IGF2BP3: variants seen among roughly 807,000 people sequenced by gnomAD.
IGF2BP3 encodes the protein insulin like growth factor 2 mRNA binding protein 3.
Under a neutral mutation model 73.8 loss-of-function variants are expected in IGF2BP3, and 9 were observed. The ratio of observed to expected loss-of-function variants is 0.12; its 90% confidence interval spans 0.07 to 0.21. IGF2BP3 has a LOEUF of 0.21. Ranked by LOEUF, IGF2BP3 falls within the 10% of genes least tolerant of loss-of-function variation. IGF2BP3 has a pLI of 1.00. For synonymous variants in IGF2BP3, 258 were observed against 256.7 expected, an observed-to-expected ratio of 1.01 and a Z score of -0.05; for missense variants, 542 against 714.0, an observed-to-expected ratio of 0.76 and a Z score of 2.75.
At chr7:23,441,833 T>TA (rs1273025231) in intron 2 of IGF2BP3, among the ~76,000 whole-genome samples, 1 of 152,082 alleles carries the variant, frequency 6.6e-6, no homozygotes, top group Non-Finnish European at 1.5e-5. Flanking sequence ...TATAAAATGT[T>TA]AATTATTCTG....
chr7:23,314,626 GAGAC>G (rs1783927372), intron 12 of IGF2BP3, among the ~76,000 whole-genome samples: 1 of 152,112 alleles, frequency 6.6e-6, no homozygotes, highest in Admixed American at 6.5e-5. Context: ...TTGAGCAAAA[GAGAC>G]AGAACTGCAG....
chr7:23,356,835 G>C (rs953280982), intron 5 of IGF2BP3, among the ~76,000 whole-genome samples: 2 of 151,874 alleles, frequency 1.3e-5, no homozygotes, highest in Non-Finnish European at 2.9e-5. Context: ...GACTAAATTG[G>C]TTCTAAAAAC....
chr7:23,346,748 A>C lies in IGF2BP3; in HGVS notation c.819-686T>G, dbSNP rs113176219. On this transcript the variant is annotated intron_variant, in intron 7 of 14. Transcript: ENST00000258729. The stretch of plus-strand genomic sequence containing the variant: ...GCTGGGACTACAGGCACATGCCACC[A>C]CGCTCATCTAATTCTTGTATTTTCA... Among the ~76,000 whole-genome samples, 797 of 151,998 alleles carry C rather than the reference A, an allele frequency of 5.2e-3. 7 individuals are homozygous for C. The highest frequency in any genetic ancestry group is 0.018 in the African/African-American group (729 of 41,454).
rs569254659 is a variant in IGF2BP3 at position 23,325,605 on chromosome 7, G to A, written c.1204-6351C>T. Among the ~76,000 whole-genome samples the A allele has an allele frequency of 2.0e-3, 305 of 152,204 alleles. 3 individuals are homozygous for A. The highest frequency in any genetic ancestry group is 6.5e-3 in the African/African-American group (271 of 41,536). ...TTCATACAGAACCAAAAAAGAGCCC[G>A]CATTGCCAAGTCAATCCTAAGCCAA... On this transcript the variant is annotated intron_variant, in intron 10 of 14. Coordinates refer to ENST00000258729, the MANE Select transcript of IGF2BP3 (RefSeq NM_006547.3).
chr7:23,353,735 A>C (rs540072023), intron 5 of IGF2BP3, among the ~76,000 whole-genome samples: 1 of 152,292 alleles, frequency 6.6e-6, no homozygotes, highest in Non-Finnish European at 1.5e-5. Flanking sequence ...TTCTTTTCAT[A>C]AGCTTCAGAG....
chr7:23,343,537 C>G (rs1350738943), intron 9 of IGF2BP3, among the ~76,000 whole-genome samples, 181 bp downstream of exon 9: 1 of 152,174 alleles, frequency 6.6e-6, no homozygotes, highest in Non-Finnish European at 1.5e-5. Flanking sequence ...ACAGAGACAG[C>G]AAAGCTTAAT....
At chr7:23,395,549 C>A (rs1317199177) in intron 3 of IGF2BP3, among the ~76,000 whole-genome samples, 2 of 151,946 alleles carry the variant, frequency 1.3e-5, no homozygotes, top group African/African-American at 4.8e-5. Flanking sequence ...ACAGCTTGAG[C>A]CCAGGAATTT....
At chr7:23,418,211 A>C (rs1205224422) in intron 3 of IGF2BP3, among the ~76,000 whole-genome samples, 2 of 152,182 alleles carry the variant, frequency 1.3e-5, no homozygotes, top group Non-Finnish European at 2.9e-5. Flanking sequence ...TTGTCTGAAG[A>C]GTCAAAAGAC....
intron 2 of IGF2BP3, among the ~76,000 whole-genome samples, chr7:23,432,059 T>C (rs1256512074): frequency 6.6e-6 from 1 of 152,202 alleles, no homozygotes; most frequent in Non-Finnish European, 1.5e-5. Context: ...CATGGTTTTT[T>C]CCATTATCCC....
intron 3 of IGF2BP3, among the ~76,000 whole-genome samples, chr7:23,362,847 G>C (rs1278271230): frequency 6.6e-6 from 1 of 152,098 alleles, no homozygotes; most frequent in Non-Finnish European, 1.5e-5. Context: ...TCAACCTTCT[G>C]AGTTTAAGTG....
chr7:23,372,099 A>C (rs2092581247), intron 3 of IGF2BP3, among the ~76,000 whole-genome samples: 1 of 149,190 alleles, frequency 6.7e-6, no homozygotes, highest in African/African-American at 2.5e-5. Flanking sequence ...TTTGAGATGG[A>C]GTCTCACTCT....
chr7:23,462,034 C>T (rs558242384), intron 2 of IGF2BP3, among the ~76,000 whole-genome samples: 9 of 152,278 alleles, frequency 5.9e-5, no homozygotes, highest in African/African-American at 1.9e-4. Flanking sequence ...TTCTTCTGAA[C>T]AATAAGGTAT....
intron 6 of IGF2BP3, among the ~76,000 whole-genome samples, chr7:23,350,221 A>C (rs1458596734): frequency 6.6e-6 from 1 of 152,242 alleles, no homozygotes; most frequent in Non-Finnish European, 1.5e-5. Context: ...ACAAACACAT[A>C]AAGTATACAC....
chr7:23,418,940 A>G (rs895427070), intron 2 of IGF2BP3, 116 bp from the exon 3 acceptor site: 2 of 641,064 alleles, frequency 3.1e-6, no homozygotes, highest in Non-Finnish European at 2.7e-6. Flanking sequence ...ATTACAAACC[A>G]ATATCTATTA....
At chr7:23,452,163 C>T (rs573477719) in intron 2 of IGF2BP3, among the ~76,000 whole-genome samples, 133 of 152,014 alleles carry the variant, frequency 8.7e-4, no homozygotes, top group African/African-American at 2.8e-3. Context: ...CGCCACCACG[C>T]CCAGCTAATT....
intron 2 of IGF2BP3, among the ~76,000 whole-genome samples, chr7:23,459,715 C>T (rs1213073193): frequency 6.6e-6 from 1 of 152,002 alleles, no homozygotes; most frequent in Non-Finnish European, 1.5e-5. Context: ...CCTGTAATCT[C>T]AGTTACTCGG....
intron 3 of IGF2BP3, 133 bp downstream of exon 3, chr7:23,418,643 G>A (rs960994017): frequency 1.9e-6 from 1 of 537,374 alleles, no homozygotes; most frequent in South Asian, 3.6e-5. Context: ...CCCACACCAA[G>A]GCACGGGTCA....
intron 2 of IGF2BP3, among the ~76,000 whole-genome samples, chr7:23,466,627 T>G (rs1426065696): frequency 6.6e-6 from 1 of 152,224 alleles, no homozygotes; most frequent in Non-Finnish European, 1.5e-5. Context: ...CTGTTTATTA[T>G]AAAGTAACAA....
chr7:23,466,975 G>A (rs1788579982), intron 2 of IGF2BP3, among the ~76,000 whole-genome samples: 2 of 152,172 alleles, frequency 1.3e-5, no homozygotes, highest in African/African-American at 4.8e-5. Context: ...TTTGTAAAAT[G>A]GGCTTATGTT....
Sources: gnomAD v4.1 joint callset for allele counts (sites outside exome capture counted in the v4.1 genomes callset) on GRCh38, gnomAD v4.1.1 for gene constraint, MANE v1.5 for transcripts, NCBI Gene and HGNC (gene_info 2026-07-23, HGNC 2026-07-21) for gene names.